Variants in SOX6 observed in about 807,000 individuals in gnomAD.
The protein encoded by SOX6 is SRY-box transcription factor 6, also known as transcription factor SOX-6.
A neutral mutation model predicts 97.8 loss-of-function variants in SOX6; 11 were observed. The observed-to-expected ratio is 0.11, with a 90% CI of 0.07 to 0.19. The LOEUF (loss-of-function observed/expected upper bound fraction) is 0.19, where lower values mean the gene tolerates loss of function less well. SOX6 is among the 10% of genes least tolerant of loss of function. The pLI is 1.00. For missense variants in SOX6, 810 were observed against 1,039.5 expected, an observed-to-expected ratio of 0.78 and a Z score of 3.04; for synonymous variants, 360 against 371.4, an observed-to-expected ratio of 0.97 and a Z score of 0.35.
At chr11:16,594,537 AT>A (rs1235713067) in intron 4 of SOX6, among the ~76,000 whole-genome samples, 3 of 151,932 alleles carry the variant, frequency 2.0e-5, no homozygotes, top group Admixed American at 1.3e-4. Context: ...AAACAATAAA[AT>A]TTTCCTTCCA....
intron 4 of SOX6, among the ~76,000 whole-genome samples, chr11:16,570,371 T>C (rs4508168): frequency 0.39 from 58,348 of 151,240 alleles, 12,389 homozygotes; most frequent in Non-Finnish European, 0.46. Context: ...TTGGTAGCAA[T>C]GTCTACTTGC....
chr11:16,199,259 G>A (rs1851868892), intron 4 of SOX6, among the ~76,000 whole-genome samples: 1 of 152,144 alleles, frequency 6.6e-6, no homozygotes, highest in South Asian at 2.1e-4. Flanking sequence ...TCAAATCTAA[G>A]AGAAGACAAG....
chr11:16,363,946 C>T (rs1392788943), intron 1 of SOX6, among the ~76,000 whole-genome samples: 1 of 152,150 alleles, frequency 6.6e-6, no homozygotes, highest in Non-Finnish European at 1.5e-5. Context: ...AGTCTTCTGA[C>T]ACTTAGCCAG....
intron 2 of SOX6, among the ~76,000 whole-genome samples, chr11:16,735,584 A>C (rs1848385247): frequency 6.6e-6 from 1 of 152,216 alleles, no homozygotes; most frequent in Admixed American, 6.5e-5. Context: ...ATATTGGCAC[A>C]GTGGAAAGTG....
intron 9 of SOX6, among the ~76,000 whole-genome samples, chr11:16,081,085 T>C (rs1848462720): frequency 6.6e-6 from 1 of 151,742 alleles, no homozygotes; most frequent in South Asian, 2.1e-4. Flanking sequence ...CAAGATCCCA[T>C]CTCTAAAAAA....
chr11:16,028,214 T>A (rs140883632), intron 12 of SOX6, among the ~76,000 whole-genome samples: 103 of 152,262 alleles, frequency 6.8e-4, no homozygotes, highest in African/African-American at 2.3e-3. Flanking sequence ...AAGATTTAGT[T>A]TATTTCCTAC....
At chr11:16,718,620 GA>G (rs1848236167) in intron 2 of SOX6, among the ~76,000 whole-genome samples, 1 of 152,104 alleles carries the variant, frequency 6.6e-6, no homozygotes, top group Non-Finnish European at 1.5e-5. Context: ...AAACAAGTCT[GA>G]AACACTGTAT....
At chr11:16,231,660 T>C (rs989941147) in intron 4 of SOX6, among the ~76,000 whole-genome samples, 1 of 151,758 alleles carries the variant, frequency 6.6e-6, no homozygotes, top group African/African-American at 2.4e-5. Flanking sequence ...CACTAATAAG[T>C]TGATAAGTCT....
At chr11:16,671,667 C>T (rs536402998) in intron 3 of SOX6, among the ~76,000 whole-genome samples, 83 of 152,288 alleles carry the variant, frequency 5.5e-4, no homozygotes, top group Non-Finnish European at 4.9e-4. Flanking sequence ...GCCAAATCTA[C>T]TAATCGTTGG....
chr11:16,457,287 T>A (rs1296632104), intron 1 of SOX6, among the ~76,000 whole-genome samples: 1 of 152,066 alleles, frequency 6.6e-6, no homozygotes, highest in Admixed American at 6.6e-5. Context: ...TACTGGATCA[T>A]AAAAATGCAA....
chr11:16,435,021 T>C (rs994703779), intron 1 of SOX6, among the ~76,000 whole-genome samples: 1 of 152,158 alleles, frequency 6.6e-6, no homozygotes, highest in African/African-American at 2.4e-5. Context: ...AGTTAAATAA[T>C]AGTATTCACC....
intron 9 of SOX6, among the ~76,000 whole-genome samples, chr11:16,077,954 A>G (rs1489960624): frequency 6.6e-6 from 1 of 152,138 alleles, no homozygotes; most frequent in Non-Finnish European, 1.5e-5. Flanking sequence ...AAAGGTGGAG[A>G]TGAAATACTC....
chr11:16,148,104 C>T (rs887177629), intron 6 of SOX6, among the ~76,000 whole-genome samples: 4 of 152,134 alleles, frequency 2.6e-5, no homozygotes, highest in Non-Finnish European at 5.9e-5. Flanking sequence ...CCTGAGCCTG[C>T]CTTTTAGCTG....
At chr11:16,283,634 G>C (rs1405213496) in intron 3 of SOX6, 1 of 170,886 alleles carries the variant, frequency 5.9e-6, no homozygotes, top group Admixed American at 6.4e-5. Context: ...TCAATTAAAG[G>C]TGCTAAACCT....
intron 4 of SOX6, among the ~76,000 whole-genome samples, chr11:16,551,628 G>A (rs928381787): frequency 6.6e-6 from 1 of 151,938 alleles, no homozygotes; most frequent in African/African-American, 2.4e-5. Context: ...TTTTGAGACA[G>A]AGTCTCACTC....
At position 16,605,233 on chromosome 11, in the gene SOX6, A is replaced by G. The variant is rs565341112; in HGVS notation, n.609+6848T>C. 6.6e-6 allele frequency among the ~76,000 whole-genome samples: 1 copy of G among 151,944 alleles called. No individual in the cohort carries two copies. Among genetic ancestry groups the G allele is most frequent in the East Asian group, 2.0e-4 (1 of 5,114 alleles). On this transcript the variant is annotated intron_variant and non_coding_transcript_variant, in intron 4 of 5. Coordinates refer to the SOX6 transcript ENST00000524520. This position sits in a 1 kb window ranked among gnomAD's most constrained non-coding sequence, Gnocchi z 5.3. ...CGGAGGGCGCCGGCTGGGCTCAGGG[A>G]CGCGGGGCGGGGAAGAAACGTGCCG...
At chr11:16,057,673 C>T (rs977004301) in intron 9 of SOX6, among the ~76,000 whole-genome samples, 1 of 152,112 alleles carries the variant, frequency 6.6e-6, no homozygotes, top group Non-Finnish European at 1.5e-5. Flanking sequence ...TTAACTGTCT[C>T]ATTTTGGTAC....
chr11:15,993,978 C>T (rs1854145637), intron 13 of SOX6, among the ~76,000 whole-genome samples: 1 of 152,086 alleles, frequency 6.6e-6, no homozygotes, highest in African/African-American at 2.4e-5. Flanking sequence ...CAGGGGAATT[C>T]TAGTTAATTC....
At chr11:16,113,669 C>T (rs1288244098) in intron 6 of SOX6, among the ~76,000 whole-genome samples, 1 of 151,980 alleles carries the variant, frequency 6.6e-6, no homozygotes, top group Non-Finnish European at 1.5e-5. Context: ...AAATATGGCC[C>T]TAATATGTAC....
Sources: gnomAD v4.1 joint callset for allele counts (sites outside exome capture counted in the v4.1 genomes callset) on GRCh38, gnomAD v4.1.1 for gene constraint, Gnocchi (gnomAD v3.1) non-coding constraint, MANE v1.5 for transcripts, NCBI Gene and HGNC (gene_info 2026-07-23, HGNC 2026-07-21) for gene names.